PTN: variants seen among roughly 807,000 people sequenced by gnomAD.
PTN encodes pleiotrophin.
PTN carries 18 observed loss-of-function variants against 24.1 expected under a neutral mutation model. That is an observed-to-expected ratio of 0.75 (90% CI 0.52 to 1.11). PTN has a LOEUF of 1.11. Among genes scored for constraint, PTN ranks in the 50% least tolerant of loss-of-function variants. The pLI, the probability that PTN is intolerant of heterozygous loss-of-function variation, is 0.00. For missense variants in PTN, 163 were observed against 198.8 expected (o/e 0.82, Z 1.08); for synonymous variants, 78 against 68.6 (o/e 1.14, Z -0.67).
Position 137,228,025 on chromosome 7 carries a change from C to G in PTN, c.502G>C (p.Asp168His). 2.5e-6 allele frequency: 4 copies of G among 1,609,310 alleles called. No individual in the cohort carries two copies. Among genetic ancestry groups the G allele is most frequent in the Non-Finnish European group, 3.4e-6 (4 of 1,177,334 alleles). ...TGTTCCACAGGTGACATCTTTTAAT[C>G]CAGCATCTTCTCCTGTTTCTTGCCT... Reference protein sequence around the residue: ...KEGKKQEKMLD With the variant: ...KEGKKQEKMLH The change falls in exon 5 of 5, where the codon GAT becomes CAT. Residue 168 changes from aspartate (D) to histidine (H), a missense_variant. Coordinates refer to ENST00000348225, the MANE Select transcript of PTN (RefSeq NM_002825.7).
intron 1 of PTN, among the ~76,000 whole-genome samples, chr7:137,256,332 A>G (rs1808924499): frequency 6.6e-6 from 1 of 151,916 alleles, no homozygotes; most frequent in Non-Finnish European, 1.5e-5. Flanking sequence ...ACACCCCTCA[A>G]CAGGTCCTGG....
chr7:137,307,673 G>A (rs552995089), intron 1 of PTN, among the ~76,000 whole-genome samples: 1 of 152,096 alleles, frequency 6.6e-6, no homozygotes, highest in East Asian at 1.9e-4. Flanking sequence ...TTTAATGTGA[G>A]TAATCCATTT....
rs565494980 is a variant in PTN at position 137,277,076 on chromosome 7, G to A, written c.-1-22102C>T. ...ATGAATTTTATCTACAACACATAAA[G>A]AATATTTACAAGTCAATGGTAATAA... On this transcript the variant is annotated intron_variant, in intron 1 of 4. Transcript: ENST00000348225. Among the ~76,000 whole-genome samples the A allele has an allele frequency of 2.2e-4, 34 of 152,118 alleles. 1 individual carries two copies. The highest frequency in any genetic ancestry group is 5.2e-4 in the Admixed American group (8 of 15,268).
intron 1 of PTN, among the ~76,000 whole-genome samples, chr7:137,309,162 A>G (rs1809938029): frequency 6.6e-6 from 1 of 152,254 alleles, no homozygotes; most frequent in Non-Finnish European, 1.5e-5. Context: ...GAACACCACA[A>G]TAAAGCAAGT....
chr7:137,312,472 C>A (rs778118832), intron 1 of PTN, among the ~76,000 whole-genome samples: 5 of 152,192 alleles, frequency 3.3e-5, no homozygotes, highest in African/African-American at 4.8e-5. Context: ...TTTATTCTGC[C>A]CGTTCACCTG....
intron 1 of PTN, 28 bp from the exon 2 acceptor site, chr7:137,255,002 G>A (rs1563201467): frequency 6.8e-7 from 1 of 1,470,914 alleles, no homozygotes; most frequent in Non-Finnish European, 9.3e-7. Context: ...AAGAGAAGAA[G>A]GTGGCATTAA....
intron 1 of PTN, among the ~76,000 whole-genome samples, chr7:137,283,457 G>A (rs1391709048): frequency 6.6e-6 from 1 of 152,114 alleles, no homozygotes; most frequent in Non-Finnish European, 1.5e-5. Context: ...AACGAGAAAA[G>A]AAATCAAGGA....
At chr7:137,232,379 A>AT (rs1383422258) in intron 4 of PTN, among the ~76,000 whole-genome samples, 1 of 151,930 alleles carries the variant, frequency 6.6e-6, no homozygotes, top group African/African-American at 2.4e-5. Context: ...TTTTGAGTTG[A>AT]TAGAGGCTAG....
intron 1 of PTN, among the ~76,000 whole-genome samples, chr7:137,295,769 C>T (rs1257317699): frequency 6.6e-6 from 1 of 151,492 alleles, no homozygotes; most frequent in Middle Eastern, 3.2e-3. Context: ...TTGGCCGGTA[C>T]TTCATATACT....
rs868780191 is a variant in PTN, at chr7:137,310,548, C to T, written c.-2+32891G>A. Reference sequence around the variant, plus strand: ...GAGTAGCTGGGATTACAGGCATGCGCCACCATGCCCAGCTAATTTTTCTTT... The same window carrying T: ...GAGTAGCTGGGATTACAGGCATGCGTCACCATGCCCAGCTAATTTTTCTTT... On this transcript the variant is annotated intron_variant, in intron 1 of 4. Transcript: ENST00000348225. Among the ~76,000 whole-genome samples the T allele has an allele frequency of 1.6e-4, 25 of 152,070 alleles. No individual in the cohort carries two copies. In the South Asian group the frequency reaches 4.2e-3, roughly 25 times the overall value.
chr7:137,324,403 C>T (rs1412177139), intron 1 of PTN, among the ~76,000 whole-genome samples: 1 of 105,030 alleles, frequency 9.5e-6, no homozygotes, highest in Admixed American at 1.2e-4. Flanking sequence ...GGCAGCACAG[C>T]GAGACCCTGT....
chr7:137,229,558 G>C (rs765852632), intron 4 of PTN, among the ~76,000 whole-genome samples: 54 of 151,806 alleles, frequency 3.6e-4, no homozygotes, highest in Middle Eastern at 6.8e-3. Context: ...TAGTATTTCT[G>C]TTCAATGTAA....
At chr7:137,337,382 C>G (rs992581094) in intron 1 of PTN, among the ~76,000 whole-genome samples, 3 of 152,100 alleles carry the variant, frequency 2.0e-5, no homozygotes, top group Non-Finnish European at 2.9e-5. Flanking sequence ...ATATGGCCCC[C>G]TTAACTTCTC....
intron 4 of PTN, among the ~76,000 whole-genome samples, chr7:137,239,410 A>AT (rs776227353): frequency 3.5e-5 from 5 of 141,008 alleles, no homozygotes; most frequent in South Asian, 2.3e-4. Context: ...TTATTTATTT[A>AT]TTATTATACT....
rs769408496 is a variant in PTN, at chr7:137,343,557, T to C, written c.-120A>G. The C allele has an allele frequency of 1.7e-5, 9 of 518,972 alleles. No homozygotes were observed. The highest frequency in any genetic ancestry group is 1.3e-4 in the South Asian group (9 of 71,584). 32.1% of individuals were successfully genotyped at this position (518,972 alleles called of 1,614,324 possible). On this transcript the variant is annotated 5_prime_UTR_variant, in exon 1 of 5. Transcript: ENST00000348225. Reference sequence around the variant, plus strand: ...GCTCCTGCTTGGGCCGCTGCTGCTCTCCCCGCCTTCTGGACGGATGACTCA... The same window carrying C: ...GCTCCTGCTTGGGCCGCTGCTGCTCCCCCCGCCTTCTGGACGGATGACTCA...
Position 137,343,030 on chromosome 7 carries a change from G to A in PTN, c.-2+409C>T, listed in dbSNP as rs566274513. On this transcript the variant is annotated intron_variant, in intron 1 of 4. Coordinates refer to ENST00000348225, the MANE Select transcript of PTN (RefSeq NM_002825.7). ...AGAATCAGAGAGAGGCTGGGAAAAT[G>A]AGAGCTGCTTGTTCAGGCTGCCTTA... Among the ~76,000 whole-genome samples, 6 of 152,248 alleles carry A rather than the reference G, an allele frequency of 3.9e-5. No individual in the cohort carries two copies. The South Asian group carries it at 1.2e-3, about 32-fold the overall frequency.
chr7:137,317,020 G>A (rs1810084327), intron 1 of PTN, among the ~76,000 whole-genome samples: 1 of 152,204 alleles, frequency 6.6e-6, no homozygotes, highest in Admixed American at 6.5e-5. Flanking sequence ...TCTCAGGTTG[G>A]TGGTCTCTCT....
In PTN at chr7:137,339,568, CAA is replaced by C. The variant is rs58934357; in HGVS notation, c.-2+3869_-2+3870del. Among the ~76,000 whole-genome samples, 310 of 123,780 alleles carry C rather than the reference CAA, an allele frequency of 2.5e-3. 6 individuals are homozygous for C. Among genetic ancestry groups the C allele is most frequent in the Non-Finnish European group, 2.1e-3 (131 of 61,730 alleles). The allele number at this position is 123,780 out of a possible 152,430, so 81.2% of individuals were successfully genotyped here. A position where few individuals can be genotyped will look rare whatever the true frequency, so the allele number is the denominator to read the frequency against. On this transcript the variant is annotated intron_variant, in intron 1 of 4. Coordinates refer to ENST00000348225, the MANE Select transcript of PTN (RefSeq NM_002825.7). ...CTGACCCTTAGGCAGGGTCTTGAATCAAAAAAAAAAAAAAAAATGGGGGAAAA... is the reference window on the plus strand; with the variant it reads ...CTGACCCTTAGGCAGGGTCTTGAATCAAAAAAAAAAAAAAATGGGGGAAAA...
chr7:137,315,041 A>T (rs1810047953), intron 1 of PTN, among the ~76,000 whole-genome samples: 1 of 152,150 alleles, frequency 6.6e-6, no homozygotes, highest in South Asian at 2.1e-4. Flanking sequence ...GACACACAGA[A>T]ATTGGTAGCC....
Sources: allele counts gnomAD v4.1 joint callset (sites outside exome capture counted in the v4.1 genomes callset), GRCh38; gene constraint gnomAD v4.1.1; transcripts MANE v1.5; gene names NCBI Gene and HGNC (gene_info 2026-07-23, HGNC 2026-07-21).